DECR2: variants seen among roughly 807,000 people sequenced by gnomAD.
The protein encoded by DECR2 is 2,4-dienoyl-CoA reductase 2, also known as peroxisomal 2,4-dienoyl-CoA reductase [(3E)-enoyl-CoA-producing].
In DECR2, 34 loss-of-function variants were observed where a neutral mutation model predicts 29.2. The observed-to-expected ratio is 1.16, with a 90% confidence interval of 0.89 to 1.55. The LOEUF is 1.55. DECR2 is among the 40% of genes most tolerant of loss of function. The pLI is 0.00. For missense variants in DECR2, 485 were observed against 425.3 expected, an observed-to-expected ratio of 1.14 and a Z score of -1.23; for synonymous variants, 224 against 182.7, an observed-to-expected ratio of 1.23 and a Z score of -1.82.
chr16:411,409 A>G lies in DECR2; in HGVS notation c.710A>G (p.Gln237Arg), dbSNP rs1852388979. 6.2e-7 allele frequency: 1 copy of G among 1,612,746 alleles called. No homozygotes were observed. The highest frequency in any genetic ancestry group is 1.3e-5 in the African/African-American group (1 of 74,898). The change falls in exon 8 of 9, where the codon CAG becomes CGG. Residue 237 changes from glutamine (Q) to arginine (R), a missense_variant. Transcript: ENST00000219481. ...LSTKVTASPL[Q>R]RLGNKTEIAH... ...ACCAAGGTCACTGCCAGCCCGCTGC[A>G]GAGGCTGGGGAACAAGACCGAGATC...
chr16:411,375 A>C lies in DECR2; in HGVS notation c.676A>C (p.Ser226Arg), dbSNP rs781305416. The C allele has an allele frequency of 1.2e-6, 2 of 1,608,834 alleles. No homozygotes were observed. Among genetic ancestry groups the C allele is most frequent in the Non-Finnish European group, 1.7e-6 (2 of 1,179,432 alleles). ...GLRRLGGPQA[S>R]LSTKVTASPL... ...CTGCCCTCCAGGTGGCCCTCAGGCC[A>C]GCCTGAGCACCAAGGTCACTGCCAG... The change falls in exon 8 of 9, where the codon AGC becomes CGC. Residue 226 changes from serine (S) to arginine (R), a missense_variant. Physicochemically the swap from Ser to Arg is moderately radical, Grantham distance 110. Transcript: ENST00000219481.
At chr16:409,796 G>A in intron 4 of DECR2, 1 of 159,100 alleles carries the variant, frequency 6.3e-6, no homozygotes, top group Non-Finnish European at 1.4e-5. Context: ...CTTCTGCGTG[G>A]CTTCGGGTAC....
At chr16:407,812 TCTGTCTTCGGCCGCATCTCCGGCCCC>T (rs2054747583) in intron 4 of DECR2, among the ~76,000 whole-genome samples, 2 of 111,902 alleles carry the variant, frequency 1.8e-5, no homozygotes, top group Non-Finnish European at 1.8e-5. Context: ...TCTCCGGGCC[TCTGTCTTCGGCCGCATCTCCGGCCCC>T]CTGTCTCTGG....
In DECR2 at chr16:412,264, G is replaced by T. The variant is rs1482295649; in HGVS notation, c.*375G>T. ...TGTTCTCTTGGCTGAAAACACTGAG[G>T]TGCTCCCATCTGTGCGTGGCCCATG... On this transcript the variant is annotated 3_prime_UTR_variant, in exon 9 of 9. Coordinates refer to ENST00000219481, the MANE Select transcript of DECR2 (RefSeq NM_020664.4). 1 of 152,410 alleles carries T rather than the reference G, an allele frequency of 6.6e-6. No individual in the cohort carries two copies. 9.4% of individuals were successfully genotyped at this position (152,410 alleles called of 1,614,324 possible). A position where few individuals can be genotyped will look rare whatever the true frequency, so the allele number is the denominator to read the frequency against.
chr16:407,446 GCCACCGGC>G lies in DECR2; in HGVS notation c.225_232del (p.Thr76AlafsTer34). 1 of 1,610,308 alleles carries G rather than the reference GCCACCGGC, an allele frequency of 6.2e-7. No individual in the cohort carries two copies. Among genetic ancestry groups the G allele is most frequent in the Non-Finnish European group, 8.5e-7 (1 of 1,179,026 alleles). On this transcript the variant is annotated frameshift_variant, in exon 4 of 9. Coordinates refer to ENST00000219481, the MANE Select transcript of DECR2 (RefSeq NM_020664.4). LOFTEE classifies it high-confidence loss of function. ...CTAGGCCGCCAGGAAGCTGGCTGGG[GCCACCGGC>G]CGGCGCTGCCTCCCTCTCTCTATGG... is the stretch of plus-strand genomic sequence containing the variant.
intron 3 of DECR2, 53 bp downstream of exon 3, chr16:406,450 G>T: frequency 6.3e-7 from 1 of 1,589,030 alleles, no homozygotes; most frequent in South Asian, 1.1e-5. Context: ...GGGGGGCTGG[G>T]GCTGGGCCTG....
intron 1 of DECR2, among the ~76,000 whole-genome samples, chr16:404,567 T>C (rs984239840): frequency 6.6e-6 from 1 of 152,126 alleles, no homozygotes; most frequent in African/African-American, 2.4e-5. Flanking sequence ...CATTGCCGTA[T>C]AGCAATATGG....
rs73494313 is a variant in DECR2, at chr16:405,619, C to G, written c.149+595C>G. 2,489 of 1,302,856 alleles carry G rather than the reference C, an allele frequency of 1.9e-3. 45 individuals carry two copies. In the African/African-American group the frequency reaches 0.033, roughly 17 times the overall value. 80.7% of individuals were successfully genotyped at this position (1,302,856 alleles called of 1,614,324 possible). ...CAAGCAACCCCCGAACCAGAAGAGC[C>G]GAGAAACCAAAGAACAAGGCAGACA... On this transcript the variant is annotated intron_variant, in intron 2 of 8. Transcript: ENST00000219481.
chr16:409,029 A>G (rs1364033926), intron 4 of DECR2, among the ~76,000 whole-genome samples: 1 of 151,892 alleles, frequency 6.6e-6, no homozygotes, highest in Non-Finnish European at 1.5e-5. Flanking sequence ...ATGGGGTTTC[A>G]TCATATTGTT....
rs1294043880 is a variant in DECR2, at chr16:410,893, G to A, written c.557-79G>A. 1 of 1,529,216 alleles carries A rather than the reference G, an allele frequency of 6.5e-7. No individual in the cohort carries two copies. 94.7% of individuals were successfully genotyped at this position (1,529,216 alleles called of 1,614,324 possible). A position where few individuals can be genotyped will look rare whatever the true frequency, so the allele number is the denominator to read the frequency against. On this transcript the variant is annotated intron_variant, in intron 6 of 8. Coordinates refer to ENST00000219481, the MANE Select transcript of DECR2 (RefSeq NM_020664.4). This position sits in a 1 kb window ranked among gnomAD's most constrained non-coding sequence, Gnocchi z 4.1. Reference sequence around the variant, plus strand: ...CCACTTGAAGCTGAGCCCAGCTGCAGGCAGCGAGACCTGGCCTTGGCCCTG... The same window carrying A: ...CCACTTGAAGCTGAGCCCAGCTGCAAGCAGCGAGACCTGGCCTTGGCCCTG...
Position 410,449 on chromosome 16 carries a change from C to T in DECR2, c.462+82C>T. On this transcript the variant is annotated intron_variant, in intron 5 of 8. Transcript: ENST00000219481. The surrounding 1 kb of genome is among the most constrained non-coding windows in gnomAD (Gnocchi z 4.1). ...TGTGAGAAGTTCTTCCGGGTGGGTG[C>T]CTTGTGCGCTCTGTGAGAAGTTCTT... 3 of 1,561,160 alleles carry T rather than the reference C, an allele frequency of 1.9e-6. No individual in the cohort carries two copies. The highest frequency in any genetic ancestry group is 2.6e-6 in the Non-Finnish European group (3 of 1,152,954).
Position 401,927 on chromosome 16 carries a change from C to G in DECR2, c.-37C>G, listed in dbSNP as rs2054670541. On this transcript the variant is annotated 5_prime_UTR_variant, in exon 1 of 9. Transcript: ENST00000219481. The stretch of plus-strand genomic sequence containing the variant: ...CCGGGTCCTGGAGGCCGAGGCCGCT[C>G]CCGCCCGTTGTCCCCGCAGTCCCCG... 3 of 1,471,712 alleles carry G rather than the reference C, an allele frequency of 2.0e-6. No individual in the cohort carries two copies. The East Asian group carries it at 9.0e-5, about 44-fold the overall frequency. The allele number at this position is 1,471,712 out of a possible 1,614,324, so 91.2% of individuals were successfully genotyped here.
chr16:406,406 G>T lies in DECR2; in HGVS notation c.201+9G>T. On this transcript the variant is annotated intron_variant, in intron 3 of 8. Coordinates refer to ENST00000219481, the MANE Select transcript of DECR2 (RefSeq NM_020664.4). ...TGCCGCGAGTGCTGACGGTGAGAGG[G>T]CCTCTCCCATGGTCCCCTGTTCGGG... The T allele has an allele frequency of 6.2e-7, 1 of 1,607,418 alleles. No individual in the cohort carries two copies.
At position 405,012 on chromosome 16, in the gene DECR2, A is replaced by G. The variant is rs2054708152; in HGVS notation, c.137A>G (p.Glu46Gly). ...GGSGIGFRIA[E>G]IFMRHGCHTV... is the part of the protein sequence containing the mutation. Reference sequence around the variant, plus strand: ...TCTGGGATTGGGTTCCGGATTGCTGAGATTTTCATGCGGTGAGACTGCTCT... The same window carrying G: ...TCTGGGATTGGGTTCCGGATTGCTGGGATTTTCATGCGGTGAGACTGCTCT... The change falls in exon 2 of 9, where the codon GAG (glutamate) becomes GGG (glycine). Residue 46 changes from glutamate (E) to glycine (G), a missense_variant. Coordinates refer to ENST00000219481, the MANE Select transcript of DECR2 (RefSeq NM_020664.4). 6.2e-7 allele frequency: 1 copy of G among 1,614,098 alleles called. No homozygotes were observed. Among genetic ancestry groups the G allele is most frequent in the East Asian group, 2.2e-5 (1 of 44,884 alleles).
chr16:405,797 T>TA (rs2054717356), intron 2 of DECR2: 1 of 371,236 alleles, frequency 2.7e-6, no homozygotes, highest in Non-Finnish European at 5.5e-6. Flanking sequence ...AGAGGGAGTG[T>TA]GTAGGAATTT....
chr16:401,946 G>A lies in DECR2; in HGVS notation c.-18G>A, dbSNP rs780630794. On this transcript the variant is annotated 5_prime_UTR_variant, in exon 1 of 9. Coordinates refer to ENST00000219481, the MANE Select transcript of DECR2 (RefSeq NM_020664.4). Reference sequence around the variant, plus strand: ...GCCGCTCCCGCCCGTTGTCCCCGCAGTCCCCGACGGGAGCGCCATGGCCCA... The same window carrying A: ...GCCGCTCCCGCCCGTTGTCCCCGCAATCCCCGACGGGAGCGCCATGGCCCA... The A allele has an allele frequency of 1.4e-5, 20 of 1,480,990 alleles. 1 individual carries two copies. The South Asian group carries it at 2.5e-4, about 19-fold the overall frequency. 91.7% of individuals were successfully genotyped at this position (1,480,990 alleles called of 1,614,324 possible). A position where few individuals can be genotyped will look rare whatever the true frequency, so the allele number is the denominator to read the frequency against.
chr16:409,412 C>T (rs1488351671), intron 4 of DECR2, among the ~76,000 whole-genome samples: 4 of 151,340 alleles, frequency 2.6e-5, no homozygotes, highest in African/African-American at 9.7e-5. Flanking sequence ...CCTCGTGATC[C>T]GCCCGCCTCA....
chr16:410,673 G>A lies in DECR2; in HGVS notation c.463-18G>A, dbSNP rs3743895. The A allele has an allele frequency of 0.095, 151,190 of 1,591,376 alleles. 7,996 individuals carry two copies. Among genetic ancestry groups the A allele is most frequent in the East Asian group, 0.23 (10,326 of 44,000 alleles). On this transcript the variant is annotated intron_variant, in intron 5 of 8. Coordinates refer to ENST00000219481, the MANE Select transcript of DECR2 (RefSeq NM_020664.4). The surrounding 1 kb of genome is among the most constrained non-coding windows in gnomAD (Gnocchi z 4.1). ...CCGACACCCGCCCGCTCACTGCCCC[G>A]GGCCTTGTGTGTTGCAGGACCACGG...
At chr16:411,237 A>C (rs984966854) in intron 7 of DECR2, 124 bp from the exon 8 acceptor site, 9 of 1,189,186 alleles carry the variant, frequency 7.6e-6, no homozygotes, top group Non-Finnish European at 9.3e-6. Context: ...GCTCCATGCT[A>C]GGCCTTGGTG....
Sources: gnomAD v4.1 joint callset for allele counts (sites outside exome capture counted in the v4.1 genomes callset) on GRCh38, gnomAD v4.1.1 for gene constraint, Gnocchi (gnomAD v3.1) non-coding constraint, MANE v1.5 for transcripts, NCBI Gene and HGNC (gene_info 2026-07-23, HGNC 2026-07-21) for gene names.